NPTX1: variants seen among roughly 807,000 people sequenced by gnomAD.
The protein encoded by NPTX1 is neuronal pentraxin-1.
In NPTX1, 12 loss-of-function variants were observed where a neutral mutation model predicts 38.7. The ratio of observed to expected loss-of-function variants is 0.31; its 90% CI spans 0.20 to 0.50. NPTX1 has a LOEUF of 0.50. NPTX1 is among the 20% of genes least tolerant of loss of function. The pLI is 0.98. For synonymous variants in NPTX1, 272 were observed against 264.9 expected (o/e 1.03, Z -0.26); for missense variants, 454 against 592.2 (o/e 0.77, Z 2.42).
chr17:80,472,934 C>T (rs1175912402), intron 3 of NPTX1, among the ~76,000 whole-genome samples: 1 of 152,228 alleles, frequency 6.6e-6, no homozygotes, highest in Non-Finnish European at 1.5e-5. Context: ...GGGCCAGGCC[C>T]CATGGCTCGT....
In NPTX1 at chr17:80,475,118, G is replaced by A. The variant is rs1396813727; in HGVS notation, c.652+393C>T. On this transcript the variant is annotated intron_variant, in intron 2 of 4. Coordinates refer to ENST00000306773, the MANE Select transcript of NPTX1 (RefSeq NM_002522.4). The surrounding 1 kb of genome is among the most constrained non-coding windows in gnomAD (Gnocchi z 6.5). ...AGCCCCAGCCTGCACCCAGCTGTACGCTGAGGCTGGGGACCAGGGAGAGAC... is the reference window on the plus strand; with the variant it reads ...AGCCCCAGCCTGCACCCAGCTGTACACTGAGGCTGGGGACCAGGGAGAGAC... Among the ~76,000 whole-genome samples, 5 of 152,266 alleles carry A rather than the reference G, an allele frequency of 3.3e-5. No individual in the cohort carries two copies. The highest frequency in any genetic ancestry group is 9.6e-5 in the African/African-American group (4 of 41,538).
At chr17:80,472,038 C>A (rs753792909) in intron 3 of NPTX1, 127 bp from the exon 4 acceptor site, 1 of 888,662 alleles carries the variant, frequency 1.1e-6, no homozygotes, top group Admixed American at 2.9e-5. Context: ...TTACTGAATT[C>A]TCACAGCACC....
rs1466750124 is a variant in NPTX1, at chr17:80,470,947, C to T, written c.1165G>A (p.Gly389Arg). ...CAGGTGGCCAGGTTGTACACCTCCC[C>T]GGGGGTCAGCTTGCGGTCCCAGATG... ...FNIWDRKLTP[G>R]EVYNLATCST... is the part of the protein sequence containing the mutation. Residue 389 changes from glycine to arginine, a missense_variant, in exon 5 of 5, where the codon GGG (glycine) becomes AGG (arginine). Physicochemically the swap from Gly to Arg is moderately radical, Grantham distance 125. Transcript: ENST00000306773. 6 of 1,613,626 alleles carry T rather than the reference C, an allele frequency of 3.7e-6. No homozygotes were observed. Among genetic ancestry groups the T allele is most frequent in the Non-Finnish European group, 3.4e-6 (4 of 1,179,800 alleles).
rs777363580 is a variant in NPTX1, at chr17:80,476,266, G to A, written c.181C>T (p.Leu61Phe). The A allele has an allele frequency of 6.4e-7, 1 of 1,553,386 alleles. No homozygotes were observed. The highest frequency in any genetic ancestry group is 8.6e-7 in the Non-Finnish European group (1 of 1,158,736). The change falls in exon 1 of 5, where the codon CTC becomes TTC. Residue 61 changes from leucine (L) to phenylalanine (F), a missense_variant. This residue lies in a region of NPTX1 where 288 missense variants were observed against 318.4 expected (regional missense o/e 0.90). Coordinates refer to ENST00000306773, the MANE Select transcript of NPTX1 (RefSeq NM_002522.4). This position sits in a 1 kb window ranked among gnomAD's most constrained non-coding sequence, Gnocchi z 6.3. Reference sequence around the variant, plus strand: ...TTCTGCTGCAGCACCGTCTCGCGGAGCTGCAGCACGCTGCTCCGGAGCTCC... The same window carrying A: ...TTCTGCTGCAGCACCGTCTCGCGGAACTGCAGCACGCTGCTCCGGAGCTCC... ...AEELRSSVLQ[L>F]RETVLQQKET...
At position 80,475,424 on chromosome 17, in the gene NPTX1, C is replaced by T. The variant is rs980760374; in HGVS notation, c.652+87G>A. On this transcript the variant is annotated intron_variant, in intron 2 of 4. Coordinates refer to ENST00000306773, the MANE Select transcript of NPTX1 (RefSeq NM_002522.4). This position sits in a 1 kb window ranked among gnomAD's most constrained non-coding sequence, Gnocchi z 6.5. ...GGAGCGGCTTGAGGCTTGCACAGTG[C>T]AGAGCTGGGCTGTTAGGGATCGGGA... The T allele has an allele frequency of 1.4e-5, 14 of 989,288 alleles. No homozygotes were observed. In the African/African-American group the frequency reaches 2.2e-4, roughly 15 times the overall value. The allele number at this position is 989,288 out of a possible 1,614,324, so 61.3% of individuals were successfully genotyped here. A position where few individuals can be genotyped will look rare whatever the true frequency, so the allele number is the denominator to read the frequency against.
rs372444368 is a variant in NPTX1, at chr17:80,475,735, C to T, written c.445-17G>A. The T allele has an allele frequency of 1.6e-5, 26 of 1,580,636 alleles. No individual in the cohort carries two copies. The African/African-American group carries it at 2.7e-4, about 16-fold the overall frequency. On this transcript the variant is annotated splice_polypyrimidine_tract_variant and intron_variant, in intron 1 of 4. Transcript: ENST00000306773. The surrounding 1 kb of genome is among the most constrained non-coding windows in gnomAD (Gnocchi z 6.5). ...GCTGTACTGCTGCGGGGTGCAAGGG[C>T]GGGGGAAACCACACCGTTAGGCGAG...
Position 80,476,565 on chromosome 17 carries a change from G to A in NPTX1, c.-119C>T. On this transcript the variant is annotated 5_prime_UTR_variant, in exon 1 of 5. Coordinates refer to ENST00000306773, the MANE Select transcript of NPTX1 (RefSeq NM_002522.4). The surrounding 1 kb of genome is among the most constrained non-coding windows in gnomAD (Gnocchi z 6.3). ...CCGCGCTCTGGGCGCCGCGCTCTTC[G>A]GCCGCGCGGTCCACACCGCCGCGCT... The A allele has an allele frequency of 4.8e-6, 2 of 413,232 alleles. No homozygotes were observed. Among genetic ancestry groups the A allele is most frequent in the Non-Finnish European group, 6.6e-6 (2 of 305,284 alleles). The allele number at this position is 413,232 out of a possible 1,614,324, so 25.6% of individuals were successfully genotyped here.
Position 80,476,424 on chromosome 17 carries a change from C to T in NPTX1, c.23G>A (p.Arg8His). 7.3e-7 allele frequency: 1 copy of T among 1,363,366 alleles called. No homozygotes were observed. Among genetic ancestry groups the T allele is most frequent in the Non-Finnish European group, 9.4e-7 (1 of 1,065,626 alleles). The allele number at this position is 1,363,366 out of a possible 1,614,324, so 84.5% of individuals were successfully genotyped here. A position where few individuals can be genotyped will look rare whatever the true frequency, so the allele number is the denominator to read the frequency against. ...GCAGAGGGCGAGCAGCGCACAGGTG[C>T]GCGCGGCGCGGCCGGCCGGCATGGC... is the stretch of plus-strand genomic sequence containing the variant. MPAGRAA[R>H]TCALLALCLL... is the part of the protein sequence containing the mutation. Residue 8 changes from arginine (R) to histidine (H), a missense_variant, in exon 1 of 5, where the codon CGC becomes CAC. Around this residue, in one of 4 missense-constraint regions of NPTX1, gnomAD observed 288 missense variants for 318.4 expected, o/e 0.90. Transcript: ENST00000306773. This position sits in a 1 kb window ranked among gnomAD's most constrained non-coding sequence, Gnocchi z 6.3.
At position 80,470,579 on chromosome 17, in the gene NPTX1, G is replaced by A. The variant is rs2083835022; in HGVS notation, c.*234C>T. On this transcript the variant is annotated 3_prime_UTR_variant, in exon 5 of 5. Coordinates refer to ENST00000306773, the MANE Select transcript of NPTX1 (RefSeq NM_002522.4). Reference sequence around the variant, plus strand: ...AGCACCCACTTCAGCTGTGAATGGGGCATGCCTGAGAGAGTCCGGGCTCCT... The same window carrying A: ...AGCACCCACTTCAGCTGTGAATGGGACATGCCTGAGAGAGTCCGGGCTCCT... The A allele has an allele frequency of 6.5e-6, 3 of 458,146 alleles. No individual in the cohort carries two copies. The highest frequency in any genetic ancestry group is 3.8e-5 in the Admixed American group (1 of 26,466). The allele number at this position is 458,146 out of a possible 1,614,324, so 28.4% of individuals were successfully genotyped here. A position where few individuals can be genotyped will look rare whatever the true frequency, so the allele number is the denominator to read the frequency against.
At position 80,475,587 on chromosome 17, in the gene NPTX1, C is replaced by T; in HGVS notation, c.576G>A (p.Arg192=). The T allele has an allele frequency of 1.2e-6, 2 of 1,612,764 alleles. No homozygotes were observed. The highest frequency in any genetic ancestry group is 2.7e-5 in the African/African-American group (2 of 75,024). ...NTLEEGKGGP[R]NDTEERVKIE... is the part of the protein sequence containing the mutation. Reference sequence around the variant, plus strand: ...TCTTGACCCTCTCCTCGGTGTCGTTCCTGGGGCCCCCCTTGCCCTCCTCCA... The same window carrying T: ...TCTTGACCCTCTCCTCGGTGTCGTTTCTGGGGCCCCCCTTGCCCTCCTCCA... The change falls in exon 2 of 5, where the codon AGG becomes AGA. Residue 192 remains arginine (R), a synonymous_variant. Transcript: ENST00000306773. This position sits in a 1 kb window ranked among gnomAD's most constrained non-coding sequence, Gnocchi z 6.5.
chr17:80,472,724 C>T (rs1007783685), intron 3 of NPTX1, among the ~76,000 whole-genome samples: 1 of 152,218 alleles, frequency 6.6e-6, no homozygotes, highest in African/African-American at 2.4e-5. Context: ...GGAAAGGCTG[C>T]CTGTGCTGTC....
In NPTX1 at chr17:80,470,827, G is replaced by C; in HGVS notation, c.1285C>G (p.Arg429Gly). 6.3e-7 allele frequency: 1 copy of C among 1,594,756 alleles called. No individual in the cohort carries two copies. The highest frequency in any genetic ancestry group is 8.6e-7 in the Non-Finnish European group (1 of 1,165,562). Residue 429 changes from arginine (R) to glycine (G), a missense_variant, in exon 5 of 5, where the codon CGC becomes GGC. Physicochemically the swap from Arg to Gly is moderately radical, Grantham distance 125. Around this residue, in one of 4 missense-constraint regions of NPTX1, gnomAD observed 50 missense variants for 54.0 expected, o/e 0.93. Transcript: ENST00000306773. ...GATKWTFEAC[R>G]QIN is the part of the protein sequence containing the mutation. ...GCCTGCCGTGCTCAGTTGATCTGGC[G>C]ACAGGCCTCGAAGGTCCACTTGGTG...
In NPTX1 at chr17:80,475,425, A is replaced by C; in HGVS notation, c.652+86T>G. 2 of 982,632 alleles carry C rather than the reference A, an allele frequency of 2.0e-6. No homozygotes were observed. The highest frequency in any genetic ancestry group is 2.9e-6 in the Non-Finnish European group (2 of 682,114). 60.9% of individuals were successfully genotyped at this position (982,632 alleles called of 1,614,324 possible). On this transcript the variant is annotated intron_variant, in intron 2 of 4. Transcript: ENST00000306773. This position sits in a 1 kb window ranked among gnomAD's most constrained non-coding sequence, Gnocchi z 6.5. The stretch of plus-strand genomic sequence containing the variant: ...GAGCGGCTTGAGGCTTGCACAGTGC[A>C]GAGCTGGGCTGTTAGGGATCGGGAC...
chr17:80,471,085 G>A (rs561199179), intron 4 of NPTX1, 51 bp from the exon 5 acceptor site: 2 of 1,433,344 alleles, frequency 1.4e-6, no homozygotes, highest in African/African-American at 1.4e-5. Context: ...GGTGGTCTGG[G>A]GGCCCATCCC....
chr17:80,471,140 T>C (rs753820074), intron 4 of NPTX1, 106 bp from the exon 5 acceptor site: 31 of 824,230 alleles, frequency 3.8e-5, no homozygotes, highest in Non-Finnish European at 5.3e-5. Context: ...GATCACGGAC[T>C]CTCACGGACA....
Position 80,470,586 on chromosome 17 carries a change from TGA to T in NPTX1, c.*225_*226del, listed in dbSNP as rs543265153. ...ACTTCAGCTGTGAATGGGGCATGCC[TGA>T]GAGAGTCCGGGCTCCTACAGAGAAG... is the stretch of plus-strand genomic sequence containing the variant. On this transcript the variant is annotated 3_prime_UTR_variant, in exon 5 of 5. Coordinates refer to ENST00000306773, the MANE Select transcript of NPTX1 (RefSeq NM_002522.4). 31 of 479,882 alleles carry T rather than the reference TGA, an allele frequency of 6.5e-5. No individual in the cohort carries two copies. Among genetic ancestry groups the T allele is most frequent in the African/African-American group, 5.6e-4 (29 of 51,860 alleles). 29.7% of individuals were successfully genotyped at this position (479,882 alleles called of 1,614,324 possible). A position where few individuals can be genotyped will look rare whatever the true frequency, so the allele number is the denominator to read the frequency against.
At position 80,475,895 on chromosome 17, in the gene NPTX1, C is replaced by T; in HGVS notation, c.444+108G>A. On this transcript the variant is annotated intron_variant, in intron 1 of 4. Transcript: ENST00000306773. The surrounding 1 kb of genome is among the most constrained non-coding windows in gnomAD (Gnocchi z 6.5). ...GGGAGGCACCGGCCGGGCACCCGCG[C>T]GGCTGAGGCGAGGGCGGGGGATGCC... The T allele has an allele frequency of 1.0e-6, 1 of 971,514 alleles. No homozygotes were observed. Among genetic ancestry groups the T allele is most frequent in the Non-Finnish European group, 1.4e-6 (1 of 710,384 alleles). 60.2% of individuals were successfully genotyped at this position (971,514 alleles called of 1,614,324 possible).
rs57367856 is a variant in NPTX1, at chr17:80,467,126, C to CTTTTTTT, written c.*3680_*3686dup. ...AACAATATCAACCATAGGGGGTTTG[C>CTTTTTTT]TTTTTTTTTTTTTTTTTTTTTGGCA... On this transcript the variant is annotated 3_prime_UTR_variant, in exon 5 of 5. Transcript: ENST00000306773. 4 of 79,110 alleles carry CTTTTTTT rather than the reference C, an allele frequency of 5.1e-5. No individual in the cohort carries two copies. Among genetic ancestry groups the CTTTTTTT allele is most frequent in the African/African-American group, 1.0e-4 (2 of 19,894 alleles). 4.9% of individuals were successfully genotyped at this position (79,110 alleles called of 1,614,324 possible).
At position 80,475,562 on chromosome 17, in the gene NPTX1, T is replaced by G; in HGVS notation, c.601A>C (p.Ile201Leu). 6.2e-7 allele frequency: 1 copy of G among 1,612,896 alleles called. No homozygotes were observed. The highest frequency in any genetic ancestry group is 2.2e-5 in the East Asian group (1 of 44,860). ...PRNDTEERVK[I>L]ETALTSLHQR... ...TGCAGGGAGGTCAGGGCGGTCTCGA[T>G]CTTGACCCTCTCCTCGGTGTCGTTC... Residue 201 changes from isoleucine to leucine, a missense_variant, in exon 2 of 5, where the codon ATC becomes CTC. By Grantham distance (5) the Ile-to-Leu change is conservative (BLOSUM62 2). Coordinates refer to ENST00000306773, the MANE Select transcript of NPTX1 (RefSeq NM_002522.4). The surrounding 1 kb of genome is among the most constrained non-coding windows in gnomAD (Gnocchi z 6.5).
Sources: allele counts gnomAD v4.1 joint callset (sites outside exome capture counted in the v4.1 genomes callset), GRCh38; gene constraint gnomAD v4.1.1; regional missense constraint gnomAD v4.1.1; non-coding constraint Gnocchi (gnomAD v3.1); transcripts MANE v1.5; gene names NCBI Gene and HGNC (gene_info 2026-07-23, HGNC 2026-07-21).